The following ALPK2 variants were observed in gnomAD, a reference collection of about 807,000 sequenced individuals.
ALPK2 encodes the protein alpha kinase 2, also known as alpha-protein kinase 2.
A neutral mutation model predicts 163.1 loss-of-function variants in ALPK2; 127 were observed. The ratio of observed to expected loss-of-function variants is 0.78; its 90% confidence interval spans 0.67 to 0.90. The LOEUF is 0.90. ALPK2 is among the 40% of genes least tolerant of loss of function. ALPK2 has a pLI of 0.00. For missense variants in ALPK2, 2,360 were observed against 2,589.6 expected (o/e 0.91, Z 1.92); for synonymous variants, 953 against 959.1 (o/e 0.99, Z 0.12).
chr18:58,575,637 C>T (rs2051917188), intron 4 of ALPK2, among the ~76,000 whole-genome samples: 1 of 152,176 alleles, frequency 6.6e-6, no homozygotes, highest in Non-Finnish European at 1.5e-5. Context: ...GGCCTTGCCT[C>T]TGAGTTGGAT....
At chr18:58,625,368 T>C (rs2052224369) in intron 1 of ALPK2, among the ~76,000 whole-genome samples, 1 of 152,042 alleles carries the variant, frequency 6.6e-6, no homozygotes. Context: ...CCCTGAGAAG[T>C]AAGGAAAGTT....
In ALPK2 at chr18:58,504,204, C is replaced by T. The variant is rs1436553928; in HGVS notation, c.6030-56G>A. On this transcript the variant is annotated intron_variant, in intron 10 of 12. Transcript: ENST00000361673. ...AAGGTCTCTACTGGGAAGAGAGGCT[C>T]CTGCGGCATTCTACTCTCTCCTGGA... 25 of 1,441,354 alleles carry T rather than the reference C, an allele frequency of 1.7e-5. No homozygotes were observed. In the African/African-American group the frequency reaches 2.4e-4, roughly 14 times the overall value. The allele number at this position is 1,441,354 out of a possible 1,614,324, so 89.3% of individuals were successfully genotyped here.
intron 10 of ALPK2, among the ~76,000 whole-genome samples, chr18:58,513,612 C>T (rs1464591830): frequency 6.6e-6 from 1 of 152,192 alleles, no homozygotes; most frequent in Non-Finnish European, 1.5e-5. Context: ...CATGGTGGCT[C>T]ATGCCTATAA....
At chr18:58,611,122 A>T (rs1271238072) in intron 2 of ALPK2, among the ~76,000 whole-genome samples, 2 of 151,452 alleles carry the variant, frequency 1.3e-5, no homozygotes, top group African/African-American at 4.8e-5. Flanking sequence ...AAATAAAAAT[A>T]AAAAAATTAG....
At chr18:58,514,710 G>GCTTGGT (rs2051511893) in intron 10 of ALPK2, among the ~76,000 whole-genome samples, 1 of 151,802 alleles carries the variant, frequency 6.6e-6, no homozygotes, top group Non-Finnish European at 1.5e-5. Context: ...TAACATGGTA[G>GCTTGGT]ATTCATTTAT....
In ALPK2 at chr18:58,536,906, C is replaced by T. The variant is rs771025793; in HGVS notation, c.3281G>A (p.Gly1094Asp). The T allele has an allele frequency of 6.2e-7, 1 of 1,614,204 alleles. No homozygotes were observed. The change falls in exon 5 of 13, where the codon GGT becomes GAT. Residue 1094 changes from glycine (G) to aspartate (D), a missense_variant. Physicochemically the swap from Gly to Asp is moderately conservative, Grantham distance 94. Coordinates refer to ENST00000361673, the MANE Select transcript of ALPK2 (RefSeq NM_052947.4). ...HHVLQLPEGE[G>D]FCSNSPLQVD... ...CTGAAGAGGGGAATTACTGCAGAAA[C>T]CCTCTCCCTCTGGGAGCTGCAGGAC...
At chr18:58,484,337 A>G (rs937085837) in intron 12 of ALPK2, among the ~76,000 whole-genome samples, 2 of 152,210 alleles carry the variant, frequency 1.3e-5, no homozygotes, top group South Asian at 2.1e-4. Flanking sequence ...GAGAACACAC[A>G]AGACATTGAC....
chr18:58,508,375 G>A (rs2051471976), intron 10 of ALPK2, among the ~76,000 whole-genome samples: 1 of 152,204 alleles, frequency 6.6e-6, no homozygotes, highest in South Asian at 2.1e-4. Flanking sequence ...AAATAAGGCT[G>A]AAACCTACTG....
intron 4 of ALPK2, among the ~76,000 whole-genome samples, chr18:58,542,962 A>G (rs772765587): frequency 6.6e-5 from 10 of 152,198 alleles, no homozygotes; most frequent in Non-Finnish European, 1.5e-4. Context: ...CAGTGTGGCA[A>G]TACTGATGGG....
intron 3 of ALPK2, among the ~76,000 whole-genome samples, chr18:58,592,203 G>C (rs2144210793): frequency 6.6e-6 from 1 of 152,324 alleles, no homozygotes. Context: ...TTAGCACACT[G>C]CATGGGACTT....
chr18:58,493,472 T>C (rs2051385435), intron 12 of ALPK2, among the ~76,000 whole-genome samples: 1 of 152,190 alleles, frequency 6.6e-6, no homozygotes, highest in Non-Finnish European at 1.5e-5. Context: ...GCCTTGTGAC[T>C]GGGCAAAGCA....
intron 5 of ALPK2, 53 bp from the exon 6 acceptor site, chr18:58,529,291 A>G: frequency 6.6e-7 from 1 of 1,512,828 alleles, no homozygotes. Flanking sequence ...CCCATTTCAT[A>G]CCATTTAATT....
At position 58,503,075 on chromosome 18, in the gene ALPK2, G is replaced by A. The variant is rs191356547; in HGVS notation, c.6247+856C>T. Among the ~76,000 whole-genome samples the A allele has an allele frequency of 3.4e-3, 514 of 152,262 alleles. 2 individuals carry two copies. Among genetic ancestry groups the A allele is most frequent in the African/African-American group, 0.012 (485 of 41,544 alleles). On this transcript the variant is annotated intron_variant, in intron 11 of 12. Coordinates refer to ENST00000361673, the MANE Select transcript of ALPK2 (RefSeq NM_052947.4). ...TTTCCTGGGATCCCCTCTCAAATAA[G>A]CCATTTGTATGTGAGTACCTGTCTC...
chr18:58,580,636 C>G, intron 3 of ALPK2, 88 bp from the exon 4 acceptor site: 1 of 1,178,162 alleles, frequency 8.5e-7, no homozygotes, highest in Non-Finnish European at 1.2e-6. Flanking sequence ...AGAAAATGAC[C>G]ATCATTTTAC....
At chr18:58,548,439 G>T (rs1238716322) in intron 4 of ALPK2, among the ~76,000 whole-genome samples, 3 of 151,834 alleles carry the variant, frequency 2.0e-5, no homozygotes, top group African/African-American at 7.3e-5. Flanking sequence ...TCCTGCCTCA[G>T]CCTCCCAAGT....
chr18:58,599,881 T>A (rs950347700), intron 3 of ALPK2, among the ~76,000 whole-genome samples: 3 of 152,164 alleles, frequency 2.0e-5, no homozygotes, highest in Non-Finnish European at 4.4e-5. Flanking sequence ...TGATACAGCT[T>A]ATAGATCTGG....
At chr18:58,486,134 T>C (rs1022657106) in intron 12 of ALPK2, among the ~76,000 whole-genome samples, 5 of 152,224 alleles carry the variant, frequency 3.3e-5, no homozygotes, top group Admixed American at 3.3e-4. Context: ...GGGCAGCCCC[T>C]GGGTAGACTT....
chr18:58,617,745 T>C (rs1211118355), intron 1 of ALPK2, among the ~76,000 whole-genome samples: 1 of 152,234 alleles, frequency 6.6e-6, no homozygotes, highest in African/African-American at 2.4e-5. Flanking sequence ...GTATGTATGG[T>C]ACATGCTTTG....
At chr18:58,620,992 CA>C (rs1186772266) in intron 1 of ALPK2, among the ~76,000 whole-genome samples, 1 of 151,832 alleles carries the variant, frequency 6.6e-6, no homozygotes, top group Non-Finnish European at 1.5e-5. Flanking sequence ...CCCATCTCTA[CA>C]AAAAATACAA....
Sources: gnomAD v4.1 joint callset for allele counts (sites outside exome capture counted in the v4.1 genomes callset) on GRCh38, gnomAD v4.1.1 for gene constraint, MANE v1.5 for transcripts, NCBI Gene and HGNC (gene_info 2026-07-23, HGNC 2026-07-21) for gene names.